The following RIMBP2 variants were observed in gnomAD, a reference collection of about 807,000 sequenced individuals.
RIMBP2 encodes the protein RIMS binding protein 2.
Under a neutral mutation model 118.6 loss-of-function variants are expected in RIMBP2, and 48 were observed. That is an observed-to-expected ratio of 0.40 (90% CI 0.32 to 0.51). The LOEUF (loss-of-function observed/expected upper bound fraction) is 0.51, where lower values mean the gene tolerates loss of function less well. RIMBP2 is among the 20% of genes least tolerant of loss of function. The pLI, the probability that RIMBP2 is intolerant of heterozygous loss-of-function variation, is 0.41. For missense variants in RIMBP2, 1,551 were observed against 1,768.3 expected (o/e 0.88, Z 2.20); for synonymous variants, 762 against 742.9 (o/e 1.03, Z -0.42).
At chr12:130,491,131 A>C (rs991578695) in intron 4 of RIMBP2, among the ~76,000 whole-genome samples, 2 of 152,270 alleles carry the variant, frequency 1.3e-5, no homozygotes, top group South Asian at 2.1e-4. Flanking sequence ...ACCTAAACAC[A>C]TCTGAGGATT....
At position 130,414,106 on chromosome 12, in the gene RIMBP2, G is replaced by T. The variant is rs146496714; in HGVS notation, c.3420+19C>A. 4.1e-4 allele frequency: 656 copies of T among 1,613,422 alleles called. No homozygotes were observed. The highest frequency in any genetic ancestry group is 5.2e-4 in the Non-Finnish European group (610 of 1,179,708). On this transcript the variant is annotated intron_variant, in intron 18 of 22. Coordinates refer to ENST00000690449, the MANE Select transcript of RIMBP2 (RefSeq NM_001393629.1). ...GCCTCAGGGGCTGATGAAGCCGCCC[G>T]CAGGCAGCCATCCCGCACCTTGATG...
intron 1 of RIMBP2, among the ~76,000 whole-genome samples, chr12:130,706,760 T>C (rs1316700496): frequency 2.0e-5 from 3 of 152,218 alleles, no homozygotes; most frequent in Non-Finnish European, 4.4e-5. Context: ...GAGGATTCAA[T>C]GAGGCCGGCT....
intron 16 of RIMBP2, among the ~76,000 whole-genome samples, chr12:130,423,656 CAA>C (rs36000671): frequency 0.082 from 4,134 of 50,408 alleles, 117 homozygotes; most frequent in African/African-American, 0.19. Flanking sequence ...AAACAATATG[CAA>C]AAAAAAAAAA....
In RIMBP2 at chr12:130,447,202, A is replaced by T. The variant is rs1689496253; in HGVS notation, c.582-1933T>A. Among the ~76,000 whole-genome samples the T allele has an allele frequency of 6.6e-6, 1 of 151,862 alleles. No individual in the cohort carries two copies. Among genetic ancestry groups the T allele is most frequent in the South Asian group, 2.1e-4 (1 of 4,784 alleles). ...GCAGGTAGGGAAGACACACCCTGAG[A>T]GCTTGAGAGGGAAGCCGCGGAGGCC... On this transcript the variant is annotated intron_variant, in intron 9 of 22. Coordinates refer to ENST00000690449, the MANE Select transcript of RIMBP2 (RefSeq NM_001393629.1). The surrounding 1 kb of genome is among the most constrained non-coding windows in gnomAD (Gnocchi z 4.4).
intron 2 of RIMBP2, among the ~76,000 whole-genome samples, chr12:130,602,698 T>G (rs757719037): frequency 4.6e-5 from 7 of 152,216 alleles, no homozygotes; most frequent in Non-Finnish European, 1.0e-4. Context: ...CAAACAGATG[T>G]AGACGGTCGC....
chr12:130,399,032 A>G (rs985503392), intron 22 of RIMBP2: 4 of 633,422 alleles, frequency 6.3e-6, no homozygotes, highest in Middle Eastern at 2.8e-4. Context: ...TAACCCCACA[A>G]TGAAGCCTTA....
chr12:130,536,086 G>A (rs2054054729), intron 2 of RIMBP2, among the ~76,000 whole-genome samples: 1 of 152,058 alleles, frequency 6.6e-6, no homozygotes, highest in Non-Finnish European at 1.5e-5. Flanking sequence ...ATCACGCCCA[G>A]TTGCAGCATT....
intron 4 of RIMBP2, among the ~76,000 whole-genome samples, chr12:130,497,647 C>T (rs1263277504): frequency 1.3e-5 from 2 of 152,212 alleles, no homozygotes; most frequent in African/African-American, 4.8e-5. Context: ...AGTAGAAACT[C>T]ACATGAAAAA....
At chr12:130,611,035 G>A (rs1036492845) in intron 2 of RIMBP2, among the ~76,000 whole-genome samples, 2 of 152,154 alleles carry the variant, frequency 1.3e-5, no homozygotes, top group African/African-American at 4.8e-5. Flanking sequence ...ACCCTGGGGA[G>A]TCTCATCCAA....
chr12:130,428,225 T>C lies in RIMBP2; in HGVS notation c.2366A>G (p.Asp789Gly), dbSNP rs1354250775. 15 of 1,613,162 alleles carry C rather than the reference T, an allele frequency of 9.3e-6. No homozygotes were observed. The East Asian group carries it at 3.1e-4, about 34-fold the overall frequency. ...GCCGCTGGGCCGCCTCCTTCCCCCA[T>C]CTTCCAGCTGCATTTCAGAATACAG... ...EELYSEMQLE[D>G]GGRRRPSGTS... The change falls in exon 15 of 23, where the codon GAT becomes GGT. Residue 789 changes from aspartate (D) to glycine (G), a missense_variant. Asp to Gly is a moderately conservative substitution (Grantham distance 94, BLOSUM62 -1). Coordinates refer to ENST00000690449, the MANE Select transcript of RIMBP2 (RefSeq NM_001393629.1).
At chr12:130,534,819 T>C (rs1182284170) in intron 2 of RIMBP2, among the ~76,000 whole-genome samples, 1 of 152,160 alleles carries the variant, frequency 6.6e-6, no homozygotes, top group African/African-American at 2.4e-5. Flanking sequence ...TGGCTGAAGA[T>C]CATCCATGGT....
At chr12:130,632,114 G>A (rs564875822) in intron 1 of RIMBP2, among the ~76,000 whole-genome samples, 3 of 152,316 alleles carry the variant, frequency 2.0e-5, no homozygotes, top group South Asian at 2.1e-4. Context: ...ATCGTGGGAC[G>A]ATTTCAGCAA....
chr12:130,538,959 G>A (rs547225472), intron 2 of RIMBP2, among the ~76,000 whole-genome samples: 39 of 152,304 alleles, frequency 2.6e-4, no homozygotes, highest in African/African-American at 9.1e-4. Context: ...GGTGCTAAGG[G>A]TGGTAAAACT....
chr12:130,652,930 CG>C (rs1345095118), intron 1 of RIMBP2, among the ~76,000 whole-genome samples: 1 of 152,124 alleles, frequency 6.6e-6, no homozygotes, highest in Non-Finnish European at 1.5e-5. Context: ...GGTGCTAAGC[CG>C]TTGATGAGGG....
At chr12:130,700,237 C>A (rs1444016421) in intron 1 of RIMBP2, among the ~76,000 whole-genome samples, 1 of 152,142 alleles carries the variant, frequency 6.6e-6, no homozygotes, top group Non-Finnish European at 1.5e-5. Context: ...CACACAGCCC[C>A]AGGCCCGCAA....
At chr12:130,694,577 G>A (rs771769599) in intron 1 of RIMBP2, among the ~76,000 whole-genome samples, 18 of 152,160 alleles carry the variant, frequency 1.2e-4, no homozygotes, top group Non-Finnish European at 2.2e-4. Context: ...TCTCGGGACT[G>A]CTCCCCTTCC....
intron 1 of RIMBP2, among the ~76,000 whole-genome samples, chr12:130,645,645 G>A (rs1281584529): frequency 6.6e-6 from 1 of 152,200 alleles, no homozygotes; most frequent in Non-Finnish European, 1.5e-5. Context: ...GGCTACAAGA[G>A]GAGTCGGCGT....
chr12:130,555,832 T>C (rs996233049), intron 2 of RIMBP2, among the ~76,000 whole-genome samples: 4 of 152,230 alleles, frequency 2.6e-5, no homozygotes, highest in Admixed American at 2.6e-4. Context: ...TAATGCCCCA[T>C]GCCTGGCAAA....
At position 130,412,668 on chromosome 12, in the gene RIMBP2, C is replaced by G. The variant is rs749212896; in HGVS notation, c.3540G>C (p.Gln1180His). The G allele has an allele frequency of 4.3e-6, 7 of 1,613,832 alleles. No homozygotes were observed. The highest frequency in any genetic ancestry group is 5.1e-6 in the Non-Finnish European group (6 of 1,180,010). ...IQADDEEMMD[Q>H]LLRQGFLPLN... ...GAGGGAGAAAGCCCTGTCTAAGAAGCTGATCCATCATCTCCTCATCATCTG... is the reference window on the plus strand; with the variant it reads ...GAGGGAGAAAGCCCTGTCTAAGAAGGTGATCCATCATCTCCTCATCATCTG... The change falls in exon 19 of 23, where the codon CAG (glutamine) becomes CAC (histidine). Residue 1180 changes from glutamine (Q) to histidine (H), a missense_variant. Gln to His is a conservative substitution (Grantham distance 24). This residue lies in a region of RIMBP2 where 1,038 missense variants were observed against 1,125.1 expected (regional missense o/e 0.92). Coordinates refer to ENST00000690449, the MANE Select transcript of RIMBP2 (RefSeq NM_001393629.1).
Sources: gnomAD v4.1 joint callset for allele counts (sites outside exome capture counted in the v4.1 genomes callset) on GRCh38, gnomAD v4.1.1 for gene constraint, gnomAD v4.1.1 regional missense constraint, Gnocchi (gnomAD v3.1) non-coding constraint, MANE v1.5 for transcripts, NCBI Gene and HGNC (gene_info 2026-07-23, HGNC 2026-07-21) for gene names.